Variants in ROBO2 observed in about 807,000 individuals in gnomAD.
The protein encoded by ROBO2 is roundabout guidance receptor 2, also known as roundabout homolog 2.
ROBO2 carries 53 observed loss-of-function variants against 160.8 expected under a neutral mutation model. The ratio of observed to expected loss-of-function variants is 0.33; its 90% confidence interval spans 0.26 to 0.41. The LOEUF (loss-of-function observed/expected upper bound fraction) is 0.41, where lower values mean the gene tolerates loss of function less well. ROBO2 is among the 10% of genes least tolerant of loss of function. ROBO2 has a pLI of 1.00. For synonymous variants in ROBO2, 664 were observed against 611.7 expected (o/e 1.09, Z -1.26); for missense variants, 1,577 against 1,722.4 (o/e 0.92, Z 1.49).
intron 2 of ROBO2, among the ~76,000 whole-genome samples, chr3:76,524,239 T>G (rs1325845343): frequency 6.6e-6 from 1 of 152,000 alleles, no homozygotes; most frequent in Non-Finnish European, 1.5e-5. Context: ...ATTATAAAAA[T>G]AGAGTGCACA....
upstream of ROBO2, among the ~76,000 whole-genome samples, chr3:77,035,012 A>T (rs553344885): frequency 3.9e-5 from 6 of 152,046 alleles, no homozygotes; most frequent in East Asian, 9.6e-4. Context: ...GGCAGGAAAA[A>T]AATCCTTGCA....
chr3:77,477,689 T>G, intron 3 of ROBO2, 118 bp downstream of exon 3: 1 of 1,064,870 alleles, frequency 9.4e-7, no homozygotes, highest in Admixed American at 2.1e-5. Flanking sequence ...TTAATTACAA[T>G]TTATACTGCC....
At chr3:77,408,864 A>G (rs2076471225) in intron 2 of ROBO2, among the ~76,000 whole-genome samples, 1 of 151,994 alleles carries the variant, frequency 6.6e-6, no homozygotes, top group Non-Finnish European at 1.5e-5. Context: ...AGCTGGGGCT[A>G]CAGGCATTCA....
At chr3:77,111,518 T>A (rs1186552643) in intron 2 of ROBO2, among the ~76,000 whole-genome samples, 1 of 152,236 alleles carries the variant, frequency 6.6e-6, no homozygotes, top group Non-Finnish European at 1.5e-5. Context: ...GTCCATGATC[T>A]GTTAAAAATC....
chr3:76,559,849 TATTTTCATGGCACAA>T (rs1422219128), intron 2 of ROBO2, among the ~76,000 whole-genome samples: 9 of 152,152 alleles, frequency 5.9e-5, no homozygotes, highest in Admixed American at 5.9e-4. Flanking sequence ...ATTGTCTCTT[TATTTTCATGGCACAA>T]ATTCTTCCCC....
intron 2 of ROBO2, among the ~76,000 whole-genome samples, chr3:77,198,849 G>C (rs1298558189): frequency 6.6e-6 from 1 of 152,030 alleles, no homozygotes; most frequent in Admixed American, 6.6e-5. Flanking sequence ...GTTGCAGTGA[G>C]CTGAGATTGC....
chr3:76,741,960 A>T (rs1372494916), intron 2 of ROBO2, among the ~76,000 whole-genome samples: 1 of 152,046 alleles, frequency 6.6e-6, no homozygotes, highest in Admixed American at 6.6e-5. Context: ...GTTATCTGTG[A>T]GTGGTGGATG....
At chr3:77,145,086 T>G in intron 2 of ROBO2, among the ~76,000 whole-genome samples, 1 of 152,166 alleles carries the variant, frequency 6.6e-6, no homozygotes, top group Admixed American at 6.5e-5. Context: ...TTGAAATGAA[T>G]AAAGTTAATT....
At chr3:76,133,333 T>C (rs1319856195) in intron 2 of ROBO2, among the ~76,000 whole-genome samples, 1 of 151,946 alleles carries the variant, frequency 6.6e-6, no homozygotes, top group Non-Finnish European at 1.5e-5. Context: ...CCAATCGAAT[T>C]TACCCTTTAC....
chr3:77,131,807 T>G (rs2075877622), intron 2 of ROBO2, among the ~76,000 whole-genome samples: 1 of 152,122 alleles, frequency 6.6e-6, no homozygotes. Context: ...ACTAGAGAAT[T>G]TAGGAAATAT....
At chr3:76,114,002 G>C (rs982464903) in intron 2 of ROBO2, among the ~76,000 whole-genome samples, 3 of 152,118 alleles carry the variant, frequency 2.0e-5, no homozygotes, top group African/African-American at 7.2e-5. Context: ...GCTTCCTGAG[G>C]CCTCACCAGA....
chr3:76,759,869 G>A (rs555720788), intron 2 of ROBO2, among the ~76,000 whole-genome samples: 1 of 151,868 alleles, frequency 6.6e-6, no homozygotes, highest in Admixed American at 6.6e-5. Flanking sequence ...CACAGCAGCG[G>A]CTCCGCGATT....
At chr3:77,500,213 C>T (rs1344015279) in intron 5 of ROBO2, among the ~76,000 whole-genome samples, 1 of 152,134 alleles carries the variant, frequency 6.6e-6, no homozygotes, top group Non-Finnish European at 1.5e-5. Context: ...ATGTGCCTTA[C>T]AATGCAATAA....
chr3:76,115,488 G>A (rs1448596077), intron 2 of ROBO2, among the ~76,000 whole-genome samples: 1 of 152,084 alleles, frequency 6.6e-6, no homozygotes, highest in Non-Finnish European at 1.5e-5. Context: ...TGTGAGTTGG[G>A]AAATCCATGC....
intron 19 of ROBO2, 112 bp downstream of exon 20, chr3:77,596,862 T>C: frequency 4.0e-6 from 5 of 1,251,878 alleles, no homozygotes; most frequent in Non-Finnish European, 4.6e-6. Flanking sequence ...ACTCCCATAA[T>C]TAAAATCAAT....
At chr3:77,375,765 C>A (rs759932598) in intron 2 of ROBO2, among the ~76,000 whole-genome samples, 4 of 150,954 alleles carry the variant, frequency 2.6e-5, no homozygotes, top group East Asian at 1.9e-4. Flanking sequence ...ATTTGAGAAC[C>A]TTTGCATAGA....
At chr3:75,926,684 A>T (rs934726564) in intron 1 of ROBO2, among the ~76,000 whole-genome samples, 1 of 152,218 alleles carries the variant, frequency 6.6e-6, no homozygotes, top group Non-Finnish European at 1.5e-5. Context: ...GCATTTGATT[A>T]ATCTGAATAA....
chr3:77,327,648 C>T (rs1461263683), intron 2 of ROBO2, among the ~76,000 whole-genome samples: 1 of 152,140 alleles, frequency 6.6e-6, no homozygotes, highest in East Asian at 1.9e-4. Context: ...CCAAGCCCAA[C>T]TGAAGATAGA....
At chr3:77,418,872 G>T (rs540447740) in intron 2 of ROBO2, among the ~76,000 whole-genome samples, 1 of 152,110 alleles carries the variant, frequency 6.6e-6, no homozygotes, top group Non-Finnish European at 1.5e-5. Flanking sequence ...TGCAGATTAT[G>T]AAGGAAGACC....
Sources: gnomAD v4.1 joint callset for allele counts (sites outside exome capture counted in the v4.1 genomes callset) on GRCh38, gnomAD v4.1.1 for gene constraint, MANE v1.5 for transcripts, NCBI Gene and HGNC (gene_info 2026-07-23, HGNC 2026-07-21) for gene names.